Variants in CNTNAP2 observed in about 807,000 individuals in gnomAD.
CNTNAP2 encodes the protein contactin-associated protein-like 2.
A neutral mutation model predicts 155.2 loss-of-function variants in CNTNAP2; 98 were observed. The ratio of observed to expected loss-of-function variants is 0.63; its 90% confidence interval spans 0.54 to 0.75. CNTNAP2 has a LOEUF of 0.75. CNTNAP2 is among the 30% of genes least tolerant of loss of function. CNTNAP2 has a pLI of 0.00. For synonymous variants in CNTNAP2, 651 were observed against 631.2 expected, an observed-to-expected ratio of 1.03 and a Z score of -0.47; for missense variants, 1,727 against 1,688.1, an observed-to-expected ratio of 1.02 and a Z score of -0.40.
chr7:146,641,221 G>A (rs573761162), intron 1 of CNTNAP2, among the ~76,000 whole-genome samples: 2 of 152,282 alleles, frequency 1.3e-5, no homozygotes, highest in East Asian at 3.9e-4. Flanking sequence ...CAGCTACTTG[G>A]GAGGCTGAGG....
At chr7:148,365,949 C>T (rs183804127) in intron 21 of CNTNAP2, among the ~76,000 whole-genome samples, 41 of 530 alleles carry the variant, frequency 0.077, 17 homozygotes, top group Non-Finnish European at 0.75. Flanking sequence ...TGTATACATG[C>T]GTGTATGCAT....
intron 4 of CNTNAP2, among the ~76,000 whole-genome samples, chr7:147,105,749 G>A (rs1224093539): frequency 6.6e-6 from 1 of 151,968 alleles, no homozygotes. Context: ...TTTAAATTTT[G>A]TTTTAGATAG....
chr7:147,889,015 G>T, intron 13 of CNTNAP2, among the ~76,000 whole-genome samples: 1 of 152,118 alleles, frequency 6.6e-6, no homozygotes, highest in East Asian at 1.9e-4. Context: ...TACCTTATAT[G>T]TAAGGAACAG....
chr7:147,567,467 C>G (rs772166208), intron 12 of CNTNAP2, among the ~76,000 whole-genome samples: 1 of 152,034 alleles, frequency 6.6e-6, no homozygotes, highest in Non-Finnish European at 1.5e-5. Context: ...CCAAAGGACA[C>G]CCAGAGATAA....
In CNTNAP2 at chr7:146,720,005, A is replaced by G. The variant is rs193254826; in HGVS notation, c.98-54266A>G. On this transcript the variant is annotated intron_variant, in intron 1 of 23. Coordinates refer to ENST00000361727, the MANE Select transcript of CNTNAP2 (RefSeq NM_014141.6). ...AATACATAGAATTCTTCCCTAAAAA[A>G]CAAGGGAGGCAAGTACTGTTTTTTT... Among the ~76,000 whole-genome samples, 50 of 152,256 alleles carry G rather than the reference A, an allele frequency of 3.3e-4. 1 individual carries two copies. The highest frequency in any genetic ancestry group is 2.9e-3 in the Admixed American group (44 of 15,268).
chr7:147,138,110 G>A (rs1052551975), intron 8 of CNTNAP2, among the ~76,000 whole-genome samples: 2 of 151,650 alleles, frequency 1.3e-5, no homozygotes, highest in African/African-American at 4.8e-5. Flanking sequence ...ACCTTTTGAT[G>A]GGCTTGTAGA....
chr7:146,620,731 A>G (rs1799303481), intron 1 of CNTNAP2, among the ~76,000 whole-genome samples: 1 of 152,166 alleles, frequency 6.6e-6, no homozygotes, highest in African/African-American at 2.4e-5. Context: ...ATCCAGTGAG[A>G]GTACATATGA....
At chr7:147,948,658 C>CAT (rs758473015) in intron 14 of CNTNAP2, among the ~76,000 whole-genome samples, 37 of 148,646 alleles carry the variant, frequency 2.5e-4, no homozygotes, top group African/African-American at 4.2e-4. Context: ...CACACACACA[C>CAT]ATATATATAT....
intron 15 of CNTNAP2, among the ~76,000 whole-genome samples, chr7:148,112,981 A>T (rs1387858430): frequency 6.6e-6 from 1 of 152,154 alleles, no homozygotes; most frequent in Admixed American, 6.6e-5. Context: ...TCCTAGCACC[A>T]CTAGACTTTT....
chr7:146,810,426 G>C (rs111282451), intron 2 of CNTNAP2, among the ~76,000 whole-genome samples: 1,934 of 150,286 alleles, frequency 0.013, 37 homozygotes, highest in African/African-American at 0.042. Context: ...TTATTCCTGA[G>C]CATTTTATTG....
intron 1 of CNTNAP2, among the ~76,000 whole-genome samples, chr7:146,548,320 G>T (rs116477333): frequency 0.022 from 3,273 of 152,082 alleles, 119 homozygotes; most frequent in African/African-American, 0.075. Flanking sequence ...TGGATGCATA[G>T]TATTCCTTGG....
chr7:146,243,938 G>C (rs569690953), intron 1 of CNTNAP2, among the ~76,000 whole-genome samples: 10 of 152,204 alleles, frequency 6.6e-5, no homozygotes, highest in Middle Eastern at 6.8e-3. Flanking sequence ...GGGCTGCTTC[G>C]AGCGGGATTA....
intron 1 of CNTNAP2, among the ~76,000 whole-genome samples, chr7:146,176,199 G>A (rs1798467627): frequency 6.6e-6 from 1 of 152,152 alleles, no homozygotes; most frequent in South Asian, 2.1e-4. Flanking sequence ...ATGGCATATT[G>A]AGGGACAAAA....
intron 1 of CNTNAP2, among the ~76,000 whole-genome samples, chr7:146,641,794 A>G (rs767083241): frequency 2.0e-4 from 31 of 152,348 alleles, no homozygotes; most frequent in Admixed American, 8.5e-4. Context: ...ACTATCATAG[A>G]GATTCAGAAC....
At chr7:146,662,571 A>AT (rs1314786851) in intron 1 of CNTNAP2, among the ~76,000 whole-genome samples, 1 of 150,204 alleles carries the variant, frequency 6.7e-6, no homozygotes, top group Non-Finnish European at 1.5e-5. Flanking sequence ...ACTGTGGTTT[A>AT]TTTTTTATAT....
chr7:146,787,387 T>C (rs1563230759), intron 2 of CNTNAP2, among the ~76,000 whole-genome samples: 1 of 152,174 alleles, frequency 6.6e-6, no homozygotes, highest in Non-Finnish European at 1.5e-5. Flanking sequence ...GACGTCCAGA[T>C]GTGTCTGGAG....
chr7:147,980,934 A>C (rs970100729), intron 15 of CNTNAP2, among the ~76,000 whole-genome samples: 1 of 9,470 alleles, frequency 1.1e-4, no homozygotes, highest in African/African-American at 1.9e-4. Context: ...CCATCTTAAC[A>C]AAAAAAAAAA....
In CNTNAP2 at chr7:146,729,083, C is replaced by CTCT. The variant is rs1801481060; in HGVS notation, c.98-45188_98-45187insTCT. Among the ~76,000 whole-genome samples, 3 of 152,240 alleles carry CTCT rather than the reference C, an allele frequency of 2.0e-5. No individual in the cohort carries two copies. In the South Asian group the frequency reaches 6.2e-4, roughly 32 times the overall value. On this transcript the variant is annotated intron_variant, in intron 1 of 23. Coordinates refer to ENST00000361727, the MANE Select transcript of CNTNAP2 (RefSeq NM_014141.6). ...TTAAACCCTCTGGGGCTGATCCACG[C>CTCT]GGAGCTCAGTTGAAGTATTACACTT... is the stretch of plus-strand genomic sequence containing the variant.
In CNTNAP2 at chr7:146,302,328, A is replaced by G. The variant is rs143770909; in HGVS notation, c.97+185355A>G. ...TCTGTATCCATCAATTTGGTAAGGTAATATTAAATGACACAACTTGTCAAC... is the reference window on the plus strand; with the variant it reads ...TCTGTATCCATCAATTTGGTAAGGTGATATTAAATGACACAACTTGTCAAC... On this transcript the variant is annotated intron_variant, in intron 1 of 23. Coordinates refer to ENST00000361727, the MANE Select transcript of CNTNAP2 (RefSeq NM_014141.6). Among the ~76,000 whole-genome samples the G allele has an allele frequency of 3.9e-4, 59 of 152,278 alleles. 1 individual carries two copies. Among genetic ancestry groups the G allele is most frequent in the African/African-American group, 1.4e-3 (58 of 41,568 alleles).
Sources: allele counts gnomAD v4.1 joint callset (sites outside exome capture counted in the v4.1 genomes callset), GRCh38; gene constraint gnomAD v4.1.1; transcripts MANE v1.5; gene names NCBI Gene and HGNC (gene_info 2026-07-23, HGNC 2026-07-21).